The following HCN1 variants were observed in gnomAD, a reference collection of about 807,000 sequenced individuals.
HCN1 encodes hyperpolarization activated cyclic nucleotide gated potassium channel 1, also known as potassium/sodium hyperpolarization-activated cyclic nucleotide-gated channel 1.
Under a neutral mutation model 78.9 loss-of-function variants are expected in HCN1, and 13 were observed. The ratio of observed to expected loss-of-function variants is 0.16; its 90% confidence interval spans 0.11 to 0.26. HCN1 has a LOEUF of 0.26. HCN1 is among the 10% of genes least tolerant of loss of function. The probability of loss-of-function intolerance (pLI) is 1.00; values close to 1 mark genes in which losing one functional copy is unlikely to be tolerated. For synonymous variants in HCN1, 552 were observed against 455.5 expected (o/e 1.21, Z -2.70); for missense variants, 810 against 1,154.3 (o/e 0.70, Z 4.32).
intron 2 of HCN1, among the ~76,000 whole-genome samples, chr5:45,588,386 C>T (rs766043893): frequency 1.6e-4 from 24 of 152,072 alleles, no homozygotes; most frequent in Non-Finnish European, 2.6e-4. Context: ...TGTGTAATTT[C>T]GAACAACACT....
chr5:45,556,082 T>C (rs1212042362), intron 2 of HCN1, among the ~76,000 whole-genome samples: 3 of 152,022 alleles, frequency 2.0e-5, no homozygotes, highest in Non-Finnish European at 4.4e-5. Context: ...CCCTTAAATC[T>C]AAGACCTCAA....
intron 2 of HCN1, among the ~76,000 whole-genome samples, chr5:45,623,648 C>G (rs1745110506): frequency 6.6e-6 from 1 of 152,150 alleles, no homozygotes; most frequent in Non-Finnish European, 1.5e-5. Flanking sequence ...GATCATTTAA[C>G]TATTCATTCA....
intron 4 of HCN1, 63 bp downstream of exon 4, chr5:45,396,429 C>A (rs1739688609): frequency 1.6e-6 from 2 of 1,274,770 alleles, no homozygotes; most frequent in Non-Finnish European, 1.1e-6. Flanking sequence ...ATCTTGAACA[C>A]AATTCAATTT....
intron 2 of HCN1, among the ~76,000 whole-genome samples, chr5:45,499,999 G>T (rs1742155102): frequency 6.6e-6 from 1 of 151,980 alleles, no homozygotes; most frequent in Non-Finnish European, 1.5e-5. Context: ...ATAAATTAAA[G>T]ATTCTAGAAG....
rs533945044 is a variant in HCN1, at chr5:45,384,344, G to A, written c.1230+12148C>T. On this transcript the variant is annotated intron_variant, in intron 4 of 7. Transcript: ENST00000303230. ...CCAATATAGTCACAGAAAATCTTTG[G>A]AATAATGTGAGATCTATGGTATTTC... Among the ~76,000 whole-genome samples, 5 of 152,082 alleles carry A rather than the reference G, an allele frequency of 3.3e-5. No homozygotes were observed. In the South Asian group the frequency reaches 1.0e-3, roughly 32 times the overall value.
intron 1 of HCN1, among the ~76,000 whole-genome samples, chr5:45,677,358 T>C (rs1197921830): frequency 6.6e-6 from 1 of 151,836 alleles, no homozygotes; most frequent in Non-Finnish European, 1.5e-5. Context: ...GCAAATTGCC[T>C]ATCTGTAGAG....
chr5:45,295,387 T>A (rs1745467930), intron 6 of HCN1, among the ~76,000 whole-genome samples: 1 of 151,972 alleles, frequency 6.6e-6, no homozygotes, highest in African/African-American at 2.4e-5. Flanking sequence ...CACTGCTCTA[T>A]CCCCAGGCCT....
At chr5:45,265,377 G>A (rs1390117741) in intron 7 of HCN1, among the ~76,000 whole-genome samples, 1 of 152,128 alleles carries the variant, frequency 6.6e-6, no homozygotes, top group Non-Finnish European at 1.5e-5. Context: ...ACTACAAAGA[G>A]GGAAGTTATT....
At chr5:45,453,231 C>A (rs966609177) in intron 3 of HCN1, among the ~76,000 whole-genome samples, 4 of 152,144 alleles carry the variant, frequency 2.6e-5, no homozygotes, top group Middle Eastern at 3.4e-3. Flanking sequence ...ATCCGTATAT[C>A]CGTAAATTGA....
intron 2 of HCN1, among the ~76,000 whole-genome samples, chr5:45,463,320 T>C (rs577571808): frequency 2.1e-4 from 32 of 152,098 alleles, no homozygotes; most frequent in African/African-American, 7.7e-4. Context: ...TAAATGTTTT[T>C]CAGTTTGATA....
At chr5:45,267,278 A>G in intron 6 of HCN1, 25 bp from the exon 7 acceptor site, 2 of 1,609,722 alleles carry the variant, frequency 1.2e-6, no homozygotes, top group Non-Finnish European at 1.7e-6. Flanking sequence ...AACAAAGAAG[A>G]ATGACTTGTT....
chr5:45,488,228 T>A (rs1741809082), intron 2 of HCN1, among the ~76,000 whole-genome samples: 2 of 152,014 alleles, frequency 1.3e-5, no homozygotes, highest in Non-Finnish European at 2.9e-5. Flanking sequence ...TTCTTTTAAT[T>A]TTTTACATAA....
chr5:45,475,089 C>A (rs1424350873), intron 2 of HCN1, among the ~76,000 whole-genome samples: 1 of 151,830 alleles, frequency 6.6e-6, no homozygotes, highest in Non-Finnish European at 1.5e-5. Flanking sequence ...AAATCTGTTT[C>A]TTCATTGTTT....
At chr5:45,575,091 G>A (rs558917274) in intron 2 of HCN1, 10 of 152,286 alleles carry the variant, frequency 6.6e-5, no homozygotes, top group South Asian at 6.2e-4. Context: ...GAAGGTGAAC[G>A]AAGGTGGCTA....
chr5:45,450,661 G>A (rs766867818), intron 3 of HCN1, among the ~76,000 whole-genome samples: 11 of 152,210 alleles, frequency 7.2e-5, no homozygotes, highest in African/African-American at 1.9e-4. Context: ...AGATATGTGG[G>A]AGCAGTTCCT....
intron 4 of HCN1, among the ~76,000 whole-genome samples, chr5:45,364,372 A>G (rs1290997250): frequency 1.3e-5 from 2 of 151,770 alleles, no homozygotes; most frequent in South Asian, 2.1e-4. Flanking sequence ...CTACCCTTAC[A>G]ACATGTTTCA....
intron 5 of HCN1, among the ~76,000 whole-genome samples, chr5:45,339,909 A>G (rs1406333380): frequency 6.6e-6 from 1 of 151,878 alleles, no homozygotes; most frequent in Non-Finnish European, 1.5e-5. Flanking sequence ...ATAGTTTTTA[A>G]TTTATGTATG....
At chr5:45,693,307 T>C (rs1739949303) in intron 1 of HCN1, among the ~76,000 whole-genome samples, 1 of 152,066 alleles carries the variant, frequency 6.6e-6, no homozygotes, top group Non-Finnish European at 1.5e-5. Flanking sequence ...AACAAGTACA[T>C]GATTATTTTT....
intron 2 of HCN1, among the ~76,000 whole-genome samples, chr5:45,488,679 T>G (rs572541340): frequency 6.6e-6 from 1 of 152,256 alleles, no homozygotes; most frequent in Admixed American, 6.6e-5. Flanking sequence ...ACTTCAAAGG[T>G]TGCAGTCCTA....
Sources: gnomAD v4.1 joint callset for allele counts (sites outside exome capture counted in the v4.1 genomes callset) on GRCh38, gnomAD v4.1.1 for gene constraint, MANE v1.5 for transcripts, NCBI Gene and HGNC (gene_info 2026-07-23, HGNC 2026-07-21) for gene names.